Variants in SAXO1 observed in about 807,000 individuals in gnomAD.
The protein encoded by SAXO1 is stabilizer of axonemal microtubules 1, also known as 4930500O09Rik.
A neutral mutation model predicts 17.5 loss-of-function variants in SAXO1; 21 were observed. That is an observed-to-expected ratio of 1.20 (90% CI 0.85 to 1.72). SAXO1 has a LOEUF of 1.72. Ranked by LOEUF, SAXO1 falls within the 40% of genes most tolerant of loss-of-function variation. The pLI is 0.00. For missense variants in SAXO1, 843 were observed against 596.0 expected (o/e 1.41, Z -4.32); for synonymous variants, 274 against 216.5 (o/e 1.27, Z -2.33).
chr9:18,999,453 C>A (rs1352339429), intron 1 of SAXO1, among the ~76,000 whole-genome samples: 2 of 151,908 alleles, frequency 1.3e-5, no homozygotes, highest in East Asian at 3.9e-4. Flanking sequence ...ACCCGGCTGC[C>A]CCACCATCTG....
upstream of SAXO1, chr9:19,033,354 G>A (rs950775405): frequency 3.3e-4 from 55 of 168,302 alleles, no homozygotes; most frequent in African/African-American, 1.2e-3. Context: ...GCAGGCCCAG[G>A]ACAGGGGTTC....
chr9:19,042,737 C>CT (rs1488826262), intron 1 of SAXO1, among the ~76,000 whole-genome samples: 1 of 152,204 alleles, frequency 6.6e-6, no homozygotes, highest in Non-Finnish European at 1.5e-5. Context: ...TGGTGCATGC[C>CT]TGTAATCCCC....
At chr9:19,043,169 C>T (rs1032172805) in intron 1 of SAXO1, among the ~76,000 whole-genome samples, 1 of 151,804 alleles carries the variant, frequency 6.6e-6, no homozygotes, top group African/African-American at 2.4e-5. Context: ...AAAACCCTGT[C>T]CCCCCAAAAA....
intron 1 of SAXO1, among the ~76,000 whole-genome samples, chr9:18,991,667 T>C (rs1172927816): frequency 1.3e-5 from 2 of 152,238 alleles, no homozygotes; most frequent in Non-Finnish European, 2.9e-5. Context: ...TATACCTATG[T>C]ACCAAACCTG....
intron 1 of SAXO1, among the ~76,000 whole-genome samples, chr9:19,005,199 CAAT>C (rs1414828750): frequency 6.6e-6 from 1 of 152,080 alleles, no homozygotes; most frequent in Non-Finnish European, 1.5e-5. Flanking sequence ...GTTAAAATGA[CAAT>C]ATTACCCAAA....
chr9:19,000,235 C>T lies in SAXO1; in HGVS notation c.38+32636G>A, dbSNP rs529077518. Among the ~76,000 whole-genome samples the T allele has an allele frequency of 6.4e-4, 95 of 147,882 alleles. 3 individuals carry two copies. The South Asian group carries it at 0.019, about 30-fold the overall frequency. On this transcript the variant is annotated intron_variant, in intron 1 of 3. Transcript: ENST00000380534. ...GCCCAAATGACTGGGAAGTGAGGAG[C>T]GCCTCTGCCCGGCCACCCAACTGAC...
At chr9:18,947,546 T>A (rs1739545043) in intron 2 of SAXO1, 1 of 152,240 alleles carries the variant, frequency 6.6e-6, no homozygotes, top group Admixed American at 6.5e-5. Context: ...AAGACTCACC[T>A]CTTTCTTCTG....
intron 3 of SAXO1, among the ~76,000 whole-genome samples, chr9:18,937,786 C>T (rs560996653): frequency 3.9e-5 from 6 of 152,250 alleles, no homozygotes; most frequent in Admixed American, 6.5e-5. Context: ...AACCTATCAG[C>T]GCCTTGATCT....
At chr9:18,943,423 C>G (rs1364128174) in intron 2 of SAXO1, among the ~76,000 whole-genome samples, 4 of 152,200 alleles carry the variant, frequency 2.6e-5, no homozygotes, top group African/African-American at 9.6e-5. Context: ...TTCTGCTGTT[C>G]TCAGTGAGCA....
chr9:18,928,718 C>T lies in SAXO1; in HGVS notation c.759G>A (p.Lys253=). The T allele has an allele frequency of 6.2e-7, 1 of 1,614,098 alleles. No homozygotes were observed. The highest frequency in any genetic ancestry group is 2.2e-5 in the East Asian group (1 of 44,856). Residue 253 remains lysine (K), a synonymous_variant, in exon 4 of 4, where the codon AAG becomes AAA. Coordinates refer to ENST00000380534, the MANE Select transcript of SAXO1 (RefSeq NM_153707.4). ...SYRGLMGEPA[K]SLKPLARPPG... is the part of the protein sequence containing the mutation. The stretch of plus-strand genomic sequence containing the variant: ...GAGGCCTGGCTAGAGGTTTCAAGCT[C>T]TTGGCAGGCTCCCCCATCAGGCCCC...
chr9:18,991,957 G>A (rs1563966381), intron 1 of SAXO1, among the ~76,000 whole-genome samples: 2 of 152,126 alleles, frequency 1.3e-5, no homozygotes, highest in Non-Finnish European at 2.9e-5. Flanking sequence ...AAGTGTTCCA[G>A]GAATGAGCAA....
chr9:19,032,276 C>A (rs1346788837), intron 1 of SAXO1, among the ~76,000 whole-genome samples: 1 of 152,184 alleles, frequency 6.6e-6, no homozygotes, highest in Non-Finnish European at 1.5e-5. Flanking sequence ...GGGACTCTGA[C>A]TAAAGTCCAT....
In SAXO1 at chr9:18,999,846, A is replaced by G. The variant is rs538713053; in HGVS notation, c.38+33025T>C. On this transcript the variant is annotated intron_variant, in intron 1 of 3. Coordinates refer to ENST00000380534, the MANE Select transcript of SAXO1 (RefSeq NM_153707.4). ...TGGGAAGTGAGGAGCGCCTCTGCCC[A>G]GCCGCCACAACATCTGGGAAGTGAG... 2.5e-3 allele frequency among the ~76,000 whole-genome samples: 193 copies of G among 77,438 alleles called. 1 individual carries two copies. In the South Asian group the frequency reaches 0.03, roughly 12 times the overall value. 50.8% of individuals were successfully genotyped at this position (77,438 alleles called of 152,430 possible).
chr9:18,929,123 G>C (rs1407276921), intron 3 of SAXO1, 68 bp from the exon 4 acceptor site: 37 of 1,543,690 alleles, frequency 2.4e-5, no homozygotes, highest in Non-Finnish European at 3.2e-5. Flanking sequence ...ATTCTACAGA[G>C]CCCCAAGGTC....
At chr9:19,037,734 G>C (rs1313761167), upstream of SAXO1, among the ~76,000 whole-genome samples, 4 of 152,124 alleles carry the variant, frequency 2.6e-5, no homozygotes, top group South Asian at 6.2e-4. Flanking sequence ...CCCTAACCCT[G>C]GTATCAAAAT....
At chr9:18,989,719 A>C (rs1833736451) in intron 1 of SAXO1, among the ~76,000 whole-genome samples, 1 of 152,188 alleles carries the variant, frequency 6.6e-6, no homozygotes, top group South Asian at 2.1e-4. Context: ...TGTTGAAATA[A>C]AGTCTTTAAT....
chr9:18,931,237 T>A (rs949520205), intron 3 of SAXO1, among the ~76,000 whole-genome samples: 3 of 152,210 alleles, frequency 2.0e-5, no homozygotes, highest in Non-Finnish European at 4.4e-5. Context: ...ACTGCGCATT[T>A]TTTGGACATT....
intron 1 of SAXO1, among the ~76,000 whole-genome samples, chr9:18,962,349 T>C (rs1832522217): frequency 1.3e-5 from 2 of 152,270 alleles, no homozygotes; most frequent in South Asian, 4.1e-4. Flanking sequence ...ATTACAGGCA[T>C]GAGCCACCGC....
chr9:19,000,080 C>A (rs1195405998), intron 1 of SAXO1, among the ~76,000 whole-genome samples: 8 of 149,112 alleles, frequency 5.4e-5, no homozygotes, highest in Non-Finnish European at 1.0e-4. Flanking sequence ...AGGAGTGCCT[C>A]TACCCAGCCG....
Sources: gnomAD v4.1 joint callset for allele counts (sites outside exome capture counted in the v4.1 genomes callset) on GRCh38, gnomAD v4.1.1 for gene constraint, MANE v1.5 for transcripts, NCBI Gene and HGNC (gene_info 2026-07-23, HGNC 2026-07-21) for gene names.